SCFD2: variants seen among roughly 807,000 people sequenced by gnomAD.
The protein encoded by SCFD2 is sec1 family domain containing 2, also known as sec1 family domain-containing protein 2.
SCFD2 carries 54 observed loss-of-function variants against 58.9 expected under a neutral mutation model. The ratio of observed to expected loss-of-function variants is 0.92; its 90% CI spans 0.74 to 1.15. The LOEUF (loss-of-function observed/expected upper bound fraction) is 1.15, where lower values mean the gene tolerates loss of function less well. SCFD2 is among the 50% of genes most tolerant of loss of function. The probability of loss-of-function intolerance (pLI) is 0.00; values close to 1 mark genes in which losing one functional copy is unlikely to be tolerated. For synonymous variants in SCFD2, 321 were observed against 335.9 expected (o/e 0.96, Z 0.49); for missense variants, 805 against 836.6 (o/e 0.96, Z 0.47).
chr4:52,972,901 C>A (rs969355468), intron 5 of SCFD2, among the ~76,000 whole-genome samples: 17 of 152,164 alleles, frequency 1.1e-4, no homozygotes, highest in African/African-American at 3.9e-4. Context: ...GCTGAACAAC[C>A]TGCTCCTGAA....
At chr4:53,010,288 C>T (rs1468947213) in intron 5 of SCFD2, among the ~76,000 whole-genome samples, 10 of 152,180 alleles carry the variant, frequency 6.6e-5, no homozygotes, top group African/African-American at 2.4e-5. Context: ...GTACTTTCTT[C>T]GAATTACTTA....
At chr4:53,151,469 G>A (rs1487367705) in intron 4 of SCFD2, among the ~76,000 whole-genome samples, 1 of 151,976 alleles carries the variant, frequency 6.6e-6, no homozygotes, top group Non-Finnish European at 1.5e-5. Context: ...TAAAATATGT[G>A]TTTTTTTTAG....
intron 3 of SCFD2, among the ~76,000 whole-genome samples, chr4:53,281,471 G>A (rs1731507701): frequency 6.6e-6 from 1 of 152,174 alleles, no homozygotes; most frequent in South Asian, 2.1e-4. Flanking sequence ...TTAGTAGACA[G>A]CACCATGAAA....
At chr4:53,105,348 CCCTGGAAAGGGGG>C (rs1560337736) in intron 5 of SCFD2, among the ~76,000 whole-genome samples, 1 of 151,786 alleles carries the variant, frequency 6.6e-6, no homozygotes, top group Non-Finnish European at 1.5e-5. Flanking sequence ...CCGTTCACTC[CCCTGGAAAGGGGG>C]CTGAAGCCAG....
At chr4:53,289,239 G>A (rs537668523) in intron 3 of SCFD2, among the ~76,000 whole-genome samples, 7 of 152,182 alleles carry the variant, frequency 4.6e-5, no homozygotes, top group South Asian at 2.1e-4. Flanking sequence ...GGTGGCAGGC[G>A]CCTGTAATCC....
chr4:53,230,449 A>G (rs1729398381), intron 4 of SCFD2, among the ~76,000 whole-genome samples: 2 of 152,220 alleles, frequency 1.3e-5, no homozygotes, highest in Non-Finnish European at 2.9e-5. Flanking sequence ...GCCACAAAAA[A>G]GGATGAGTTC....
chr4:53,054,252 T>A (rs1051251602), intron 5 of SCFD2, among the ~76,000 whole-genome samples: 2 of 152,232 alleles, frequency 1.3e-5, no homozygotes, highest in African/African-American at 4.8e-5. Context: ...AATGACAGGA[T>A]TTCATTCTCT....
chr4:52,927,505 C>T (rs1004940007), intron 5 of SCFD2, among the ~76,000 whole-genome samples: 3 of 152,220 alleles, frequency 2.0e-5, no homozygotes, highest in Non-Finnish European at 4.4e-5. Flanking sequence ...GCCTTGTTCA[C>T]ACCTAATTCA....
At chr4:53,009,810 A>T (rs1722057061) in intron 5 of SCFD2, among the ~76,000 whole-genome samples, 1 of 152,100 alleles carries the variant, frequency 6.6e-6, no homozygotes, top group African/African-American at 2.4e-5. Context: ...GTCCAATTTG[A>T]AGCTATCTTT....
intron 4 of SCFD2, among the ~76,000 whole-genome samples, chr4:53,253,313 T>A (rs1198487743): frequency 1.3e-5 from 2 of 152,110 alleles, no homozygotes; most frequent in African/African-American, 4.8e-5. Context: ...AGTTCAACCA[T>A]TGTGGAAGTC....
At chr4:53,237,455 T>C (rs1411081207) in intron 4 of SCFD2, among the ~76,000 whole-genome samples, 1 of 141,572 alleles carries the variant, frequency 7.1e-6, no homozygotes, top group Non-Finnish European at 1.5e-5. Flanking sequence ...ATGGGGGGTC[T>C]GGCCGGGCGG....
intron 2 of SCFD2, among the ~76,000 whole-genome samples, chr4:53,331,672 T>C (rs1733476255): frequency 6.6e-6 from 1 of 151,800 alleles, no homozygotes; most frequent in Non-Finnish European, 1.5e-5. Context: ...CACCCTAACA[T>C]CACAATTAAA....
At chr4:53,255,765 C>A (rs901483208) in intron 4 of SCFD2, among the ~76,000 whole-genome samples, 2 of 151,990 alleles carry the variant, frequency 1.3e-5, no homozygotes, top group African/African-American at 4.8e-5. Flanking sequence ...GGCAGAGGGG[C>A]TCCTCACTTC....
At chr4:53,296,672 T>G in intron 3 of SCFD2, among the ~76,000 whole-genome samples, 1 of 152,186 alleles carries the variant, frequency 6.6e-6, no homozygotes, top group East Asian at 1.9e-4. Flanking sequence ...TTTCTTGCCT[T>G]CTGCTAGCCT....
At chr4:53,299,751 G>A (rs551508036) in intron 3 of SCFD2, among the ~76,000 whole-genome samples, 20 of 152,224 alleles carry the variant, frequency 1.3e-4, no homozygotes, top group Middle Eastern at 3.4e-3. Context: ...CTGATCTCTC[G>A]CCAGAAACTC....
intron 5 of SCFD2, chr4:52,957,831 T>C (rs1720746553): frequency 6.6e-6 from 1 of 152,248 alleles, no homozygotes; most frequent in African/African-American, 2.4e-5. Context: ...GATAGAGGTA[T>C]GTGTTTACAT....
At chr4:53,012,746 G>A (rs1722124035) in intron 5 of SCFD2, among the ~76,000 whole-genome samples, 1 of 151,716 alleles carries the variant, frequency 6.6e-6, no homozygotes, top group Admixed American at 6.6e-5. Flanking sequence ...CATTTATGGA[G>A]TTAATTGACA....
chr4:53,033,221 G>A (rs904605416), intron 5 of SCFD2, among the ~76,000 whole-genome samples: 3 of 152,020 alleles, frequency 2.0e-5, no homozygotes, highest in African/African-American at 7.3e-5. Flanking sequence ...AATGACTACT[G>A]GGTAAATAAC....
chr4:53,279,371 C>T (rs1731437421), intron 3 of SCFD2, among the ~76,000 whole-genome samples: 1 of 152,160 alleles, frequency 6.6e-6, no homozygotes, highest in Admixed American at 6.5e-5. Flanking sequence ...ATCCTCCCAC[C>T]TCCCAAAGTA....
Sources: allele counts gnomAD v4.1 joint callset (sites outside exome capture counted in the v4.1 genomes callset), GRCh38; gene constraint gnomAD v4.1.1; transcripts MANE v1.5; gene names NCBI Gene and HGNC (gene_info 2026-07-23, HGNC 2026-07-21).